Variants in STIM1 observed in about 807,000 individuals in gnomAD.
STIM1 encodes stromal interaction molecule 1.
STIM1 carries 25 observed loss-of-function variants against 74.7 expected under a neutral mutation model. That is an observed-to-expected ratio of 0.33 (90% CI 0.24 to 0.47). STIM1 has a LOEUF of 0.47. Ranked by LOEUF, STIM1 falls within the 20% of genes least tolerant of loss-of-function variation. The pLI is 1.00. For synonymous variants in STIM1, 328 were observed against 348.8 expected (o/e 0.94, Z 0.66); for missense variants, 728 against 920.8 (o/e 0.79, Z 2.71).
chr11:3,944,193 C>A (rs1483212039), intron 1 of STIM1, among the ~76,000 whole-genome samples: 1 of 152,234 alleles, frequency 6.6e-6, no homozygotes, highest in Non-Finnish European at 1.5e-5. Context: ...GTCTTCTATG[C>A]AGACGTGAGA....
At chr11:3,959,596 A>G (rs1380940418) in intron 1 of STIM1, among the ~76,000 whole-genome samples, 2 of 152,200 alleles carry the variant, frequency 1.3e-5, no homozygotes, top group Non-Finnish European at 2.9e-5. Flanking sequence ...ATGAGAATTA[A>G]TATAACAGAG....
intron 2 of STIM1, among the ~76,000 whole-genome samples, chr11:3,985,629 A>G (rs1304624675): frequency 6.6e-6 from 1 of 152,226 alleles, no homozygotes; most frequent in Non-Finnish European, 1.5e-5. Context: ...TCTGGGCCCC[A>G]CAGAGTGGTA....
chr11:4,072,846 C>T (rs2094412391), intron 6 of STIM1, among the ~76,000 whole-genome samples: 3 of 152,094 alleles, frequency 2.0e-5, no homozygotes, highest in Admixed American at 1.3e-4. Flanking sequence ...CAGGAAATGG[C>T]GCCTCTGATT....
At chr11:3,916,450 ATTTTTT>A (rs113404071) in intron 1 of STIM1, among the ~76,000 whole-genome samples, 1 of 126,080 alleles carries the variant, frequency 7.9e-6, no homozygotes, top group Non-Finnish European at 1.7e-5. Flanking sequence ...ACCACACCCA[ATTTTTT>A]TTTTTTTTTT....
chr11:3,985,208 C>T (rs4910869), intron 2 of STIM1, among the ~76,000 whole-genome samples: 36,645 of 152,104 alleles, frequency 0.24, 5,551 homozygotes, highest in South Asian at 0.45. Flanking sequence ...TTCCTTCCCC[C>T]CTCTTTGTTA....
chr11:4,052,227 G>A (rs2094248760), intron 3 of STIM1, among the ~76,000 whole-genome samples: 1 of 152,118 alleles, frequency 6.6e-6, no homozygotes, highest in African/African-American at 2.4e-5. Context: ...AGCTACCAAT[G>A]AATTTTTTCA....
intron 1 of STIM1, among the ~76,000 whole-genome samples, chr11:3,960,122 G>A (rs1051622069): frequency 2.0e-5 from 3 of 152,148 alleles, no homozygotes; most frequent in Admixed American, 6.5e-5. Flanking sequence ...CTCAAGGAAA[G>A]CACTTGTGCA....
intron 2 of STIM1, among the ~76,000 whole-genome samples, chr11:4,016,204 G>A (rs1055383233): frequency 2.0e-5 from 3 of 152,166 alleles, no homozygotes; most frequent in African/African-American, 7.2e-5. Flanking sequence ...GTTCTTTGAT[G>A]TTGGTGACCT....
intron 2 of STIM1, among the ~76,000 whole-genome samples, chr11:3,994,744 T>G (rs2093648206): frequency 6.6e-6 from 1 of 152,034 alleles, no homozygotes; most frequent in Admixed American, 6.6e-5. Context: ...TTCTGCTCCT[T>G]TTTCTTTATC....
At position 4,091,811 on chromosome 11, in the gene STIM1, G is replaced by A; in HGVS notation, c.*13G>A. ...TCTTAAGAAGTAGGCAGGATGGGGT[G>A]GCAGTAAAGGGACAGCTTGTCCTTC... is the stretch of plus-strand genomic sequence containing the variant. On this transcript the variant is annotated 3_prime_UTR_variant, in exon 13 of 13. Coordinates refer to ENST00000526596, the MANE Select transcript of STIM1 (RefSeq NM_001382567.1). 6.2e-7 allele frequency: 1 copy of A among 1,600,734 alleles called. No homozygotes were observed. The highest frequency in any genetic ancestry group is 8.5e-7 in the Non-Finnish European group (1 of 1,179,948).
intron 2 of STIM1, chr11:3,972,926 T>G: frequency 3.9e-6 from 2 of 507,392 alleles, no homozygotes; most frequent in Non-Finnish European, 3.9e-6. Context: ...CATCCAAAAT[T>G]TGAGGACTGA....
chr11:4,057,426 G>A (rs2094298413), intron 4 of STIM1, among the ~76,000 whole-genome samples: 1 of 152,182 alleles, frequency 6.6e-6, no homozygotes, highest in African/African-American at 2.4e-5. Context: ...AGTGCTTGGG[G>A]TGAAGTGAGG....
At chr11:3,926,880 T>C (rs2092795622) in intron 1 of STIM1, among the ~76,000 whole-genome samples, 1 of 152,198 alleles carries the variant, frequency 6.6e-6, no homozygotes. Context: ...TTTAGGGAGT[T>C]GACAGATGCT....
chr11:3,861,394 T>C (rs920859266), intron 1 of STIM1, among the ~76,000 whole-genome samples: 3 of 152,092 alleles, frequency 2.0e-5, no homozygotes, highest in South Asian at 2.1e-4. Flanking sequence ...CCACCACGCC[T>C]GGCTAATTGT....
At position 4,091,897 on chromosome 11, in the gene STIM1, G is replaced by T; in HGVS notation, c.*99G>T. ...CAAGATAACTGGCCCCAAGAGTGGG[G>T]CATGGGAAGGGCTGGTCCAGGGGTC... On this transcript the variant is annotated 3_prime_UTR_variant, in exon 13 of 13. Coordinates refer to ENST00000526596, the MANE Select transcript of STIM1 (RefSeq NM_001382567.1). 6.6e-7 allele frequency: 1 copy of T among 1,520,746 alleles called. No homozygotes were observed. 94.2% of individuals were successfully genotyped at this position (1,520,746 alleles called of 1,614,324 possible).
At chr11:4,010,798 C>A (rs1316686894) in intron 2 of STIM1, among the ~76,000 whole-genome samples, 3 of 152,010 alleles carry the variant, frequency 2.0e-5, no homozygotes, top group Admixed American at 6.6e-5. Flanking sequence ...TATACATATG[C>A]CATGTTGGTT....
Position 4,074,650 on chromosome 11 carries a change from CA to C in STIM1, c.945del (p.Lys315AsnfsTer14). The C allele has an allele frequency of 6.4e-7, 1 of 1,574,314 alleles. No homozygotes were observed. Among genetic ancestry groups the C allele is most frequent in the Non-Finnish European group, 8.6e-7 (1 of 1,159,050 alleles). On this transcript the variant is annotated frameshift_variant, in exon 7 of 13. Coordinates refer to ENST00000526596, the MANE Select transcript of STIM1 (RefSeq NM_001382567.1). LOFTEE classifies it high-confidence loss of function. ...GGGTACTGAGAATGAGCGGAGCCGC[CA>C]AAAATATGCTGAGGAGGAGTTGGAG... Reference protein sequence around the residue: ...REGTENERSRQKYAEEELEQV... With the variant: ...REGTENERSRXKYAEEELEQV...
chr11:4,041,117 A>G (rs940913032), intron 3 of STIM1, among the ~76,000 whole-genome samples: 3 of 152,220 alleles, frequency 2.0e-5, no homozygotes, highest in African/African-American at 7.2e-5. Flanking sequence ...GAGTGCTGTT[A>G]TTCAGAGCAG....
chr11:3,937,869 C>T (rs1230246261), intron 1 of STIM1, among the ~76,000 whole-genome samples: 1 of 152,024 alleles, frequency 6.6e-6, no homozygotes, highest in African/African-American at 2.4e-5. Context: ...TGAGCTCTTA[C>T]TGTTGGCTGT....
Sources: allele counts gnomAD v4.1 joint callset (sites outside exome capture counted in the v4.1 genomes callset), GRCh38; gene constraint gnomAD v4.1.1; transcripts MANE v1.5; gene names NCBI Gene and HGNC (gene_info 2026-07-23, HGNC 2026-07-21).